Variants in ANP32B observed in about 807,000 individuals in gnomAD.
ANP32B encodes acidic nuclear phosphoprotein 32 family member B, also known as acidic leucine-rich nuclear phosphoprotein 32 family member B.
A neutral mutation model predicts 32.2 loss-of-function variants in ANP32B; 6 were observed. The ratio of observed to expected loss-of-function variants is 0.19; its 90% confidence interval spans 0.10 to 0.37. ANP32B has a LOEUF of 0.37. Ranked by LOEUF, ANP32B falls within the 10% of genes least tolerant of loss-of-function variation. The pLI is 1.00. For missense variants in ANP32B, 204 were observed against 289.2 expected, an observed-to-expected ratio of 0.71 and a Z score of 2.14; for synonymous variants, 98 against 105.8, an observed-to-expected ratio of 0.93 and a Z score of 0.45.
At chr9:97,995,117 T>G (rs1827883770) in intron 2 of ANP32B, among the ~76,000 whole-genome samples, 1 of 152,236 alleles carries the variant, frequency 6.6e-6, no homozygotes, top group Non-Finnish European at 1.5e-5. Context: ...TTAATTGTTA[T>G]AAAAACAATT....
chr9:97,995,221 A>G (rs1159935959), intron 2 of ANP32B, among the ~76,000 whole-genome samples: 2 of 152,194 alleles, frequency 1.3e-5, no homozygotes, highest in African/African-American at 4.8e-5. Context: ...AGAATGTCAG[A>G]ACTGGAAGAA....
At chr9:98,011,474 A>G in intron 5 of ANP32B, 85 bp downstream of exon 5, 1 of 1,512,302 alleles carries the variant, frequency 6.6e-7, no homozygotes. Context: ...AAGAAAAGAA[A>G]AAACACCTTT....
chr9:97,998,688 T>C lies in ANP32B; in HGVS notation c.327+10T>C, dbSNP rs369938387. On this transcript the variant is annotated intron_variant, in intron 3 of 6. Coordinates refer to ENST00000339399, the MANE Select transcript of ANP32B (RefSeq NM_006401.3). ...CACCTTGGAACCTTTGGTAAGTAACTGAGAATTTGGAAACTGGAACTTACT... is the reference window on the plus strand; with the variant it reads ...CACCTTGGAACCTTTGGTAAGTAACCGAGAATTTGGAAACTGGAACTTACT... 64 of 1,555,858 alleles carry C rather than the reference T, an allele frequency of 4.1e-5. No homozygotes were observed. In the African/African-American group the frequency reaches 6.9e-4, roughly 17 times the overall value.
chr9:97,987,420 A>G (rs1827755478), intron 1 of ANP32B: 1 of 152,252 alleles, frequency 6.6e-6, no homozygotes, highest in Non-Finnish European at 1.5e-5. Flanking sequence ...TATATACACC[A>G]TGGAAATTGG....
intron 1 of ANP32B, among the ~76,000 whole-genome samples, chr9:97,992,264 A>G (rs1460487947): frequency 6.6e-6 from 1 of 151,916 alleles, no homozygotes; most frequent in Non-Finnish European, 1.5e-5. Flanking sequence ...TTATTTTTGT[A>G]TTTTTAGTAG....
intron 3 of ANP32B, among the ~76,000 whole-genome samples, chr9:97,999,842 C>G (rs557606589): frequency 6.6e-6 from 1 of 152,206 alleles, no homozygotes; most frequent in Admixed American, 6.5e-5. Context: ...ACAGGCTGTG[C>G]TATTTGGAAG....
intron 2 of ANP32B, among the ~76,000 whole-genome samples, chr9:97,995,285 G>T (rs1434391013): frequency 6.6e-6 from 1 of 152,154 alleles, no homozygotes; most frequent in Non-Finnish European, 1.5e-5. Flanking sequence ...ATAGTCCCAG[G>T]AAAGTGTAGT....
intron 1 of ANP32B, among the ~76,000 whole-genome samples, chr9:97,991,852 A>G (rs962168633): frequency 2.6e-5 from 4 of 152,236 alleles, no homozygotes; most frequent in Non-Finnish European, 4.4e-5. Context: ...TTTATAATAT[A>G]TCCACACACT....
chr9:97,986,646 C>T (rs1452857273), intron 1 of ANP32B: 1 of 152,200 alleles, frequency 6.6e-6, no homozygotes, highest in Non-Finnish European at 1.5e-5. Context: ...CACATGATAC[C>T]TTATGTGTGA....
intron 6 of ANP32B, among the ~76,000 whole-genome samples, chr9:98,014,560 ATTAG>A (rs1400759557): frequency 3.3e-5 from 5 of 152,210 alleles, no homozygotes; most frequent in Admixed American, 3.3e-4. Flanking sequence ...TTTAGTTAAT[ATTAG>A]TTTGCTACAA....
At chr9:98,001,078 T>G (rs1827982419) in intron 3 of ANP32B, among the ~76,000 whole-genome samples, 1 of 152,138 alleles carries the variant, frequency 6.6e-6, no homozygotes, top group African/African-American at 2.4e-5. Flanking sequence ...TGCTTTCCCG[T>G]TCACATGGGC....
intron 4 of ANP32B, among the ~76,000 whole-genome samples, chr9:98,009,654 C>T (rs908716342): frequency 6.6e-6 from 1 of 152,266 alleles, no homozygotes; most frequent in Admixed American, 6.5e-5. Flanking sequence ...CTGGCCTGCT[C>T]TTCACCACCT....
intron 5 of ANP32B, 98 bp from the exon 6 acceptor site, chr9:98,012,323 G>A: frequency 7.4e-7 from 1 of 1,348,178 alleles, no homozygotes; most frequent in Non-Finnish European, 1.0e-6. Flanking sequence ...TGATATTGTT[G>A]CATTTATTTG....
intron 3 of ANP32B, among the ~76,000 whole-genome samples, chr9:98,000,714 A>G (rs1222648364): frequency 6.6e-6 from 1 of 152,098 alleles, no homozygotes; most frequent in Non-Finnish European, 1.5e-5. Context: ...ACTTGAGGTC[A>G]GGAGTTTGAG....
chr9:97,984,545 C>G (rs900018699), intron 1 of ANP32B: 1 of 148,982 alleles, frequency 6.7e-6, no homozygotes, highest in Non-Finnish European at 1.5e-5. Context: ...CGGCTCTTCA[C>G]GCCAGCCGGG....
chr9:97,994,042 G>A (rs1827869338), intron 1 of ANP32B, among the ~76,000 whole-genome samples: 1 of 152,232 alleles, frequency 6.6e-6, no homozygotes, highest in South Asian at 2.1e-4. Flanking sequence ...TCTTTCTCAA[G>A]TGCAATCCAG....
At chr9:98,011,471 GAA>G (rs1357634966) in intron 5 of ANP32B, 82 bp downstream of exon 5, 1 of 1,511,994 alleles carries the variant, frequency 6.6e-7, no homozygotes, top group Non-Finnish European at 8.9e-7. Context: ...CAAAAGAAAA[GAA>G]AAAACACCTT....
At chr9:98,000,644 C>T (rs979750231) in intron 3 of ANP32B, among the ~76,000 whole-genome samples, 5 of 152,074 alleles carry the variant, frequency 3.3e-5, no homozygotes, top group African/African-American at 1.2e-4. Flanking sequence ...TAAGTCTAGG[C>T]TGGGCACGGT....
In ANP32B at chr9:97,998,511, C is replaced by G. The variant is rs1198932232; in HGVS notation, c.205-45C>G. Reference sequence around the variant, plus strand: ...ACAATACCTTAAATGATTTCTGTTTCTCTGTGTGTATTTGTGTTTGTGTTG... The same window carrying G: ...ACAATACCTTAAATGATTTCTGTTTGTCTGTGTGTATTTGTGTTTGTGTTG... On this transcript the variant is annotated intron_variant, in intron 2 of 6. Coordinates refer to ENST00000339399, the MANE Select transcript of ANP32B (RefSeq NM_006401.3). 21 of 1,549,320 alleles carry G rather than the reference C, an allele frequency of 1.4e-5. No individual in the cohort carries two copies. The East Asian group carries it at 4.6e-4, about 34-fold the overall frequency.
Sources: allele counts gnomAD v4.1 joint callset (sites outside exome capture counted in the v4.1 genomes callset), GRCh38; gene constraint gnomAD v4.1.1; transcripts MANE v1.5; gene names NCBI Gene and HGNC (gene_info 2026-07-23, HGNC 2026-07-21).